Variants in NLRP2 observed in about 807,000 individuals in gnomAD.
NLRP2 encodes the protein NLR family pyrin domain containing 2.
In NLRP2, 107 loss-of-function variants were observed where a neutral mutation model predicts 97.2. The ratio of observed to expected loss-of-function variants is 1.10; its 90% confidence interval spans 0.94 to 1.29. The LOEUF is 1.29. NLRP2 is among the 50% of genes most tolerant of loss of function. NLRP2 has a pLI of 0.00. For synonymous variants in NLRP2, 663 were observed against 551.5 expected, an observed-to-expected ratio of 1.20 and a Z score of -2.83; for missense variants, 1,495 against 1,330.3, an observed-to-expected ratio of 1.12 and a Z score of -1.93.
In NLRP2 at chr19:54,994,456, G is replaced by A. The variant is rs2072692286; in HGVS notation, c.2879+17G>A. Reference sequence around the variant, plus strand: ...ATGTCTGTGGTGAGTTAACTTATAAGTTCAACTTCCTATACTTACACCTTA... The same window carrying A: ...ATGTCTGTGGTGAGTTAACTTATAAATTCAACTTCCTATACTTACACCTTA... On this transcript the variant is annotated intron_variant, in intron 11 of 12. Transcript: ENST00000448584. 1.2e-6 allele frequency: 2 copies of A among 1,611,612 alleles called. No individual in the cohort carries two copies. Among genetic ancestry groups the A allele is most frequent in the Admixed American group, 1.7e-5 (1 of 59,964 alleles).
intron 4 of NLRP2, among the ~76,000 whole-genome samples, chr19:54,978,087 G>T (rs1403333920): frequency 6.6e-6 from 1 of 152,076 alleles, no homozygotes; most frequent in Non-Finnish European, 1.5e-5. Flanking sequence ...TTTTGAGACA[G>T]TTTCTCTGTT....
At chr19:54,980,486 G>T (rs371942977) in intron 4 of NLRP2, among the ~76,000 whole-genome samples, 1 of 152,190 alleles carries the variant, frequency 6.6e-6, no homozygotes, top group Non-Finnish European at 1.5e-5. Context: ...GAGCCACCGC[G>T]CCCAGCCGCG....
In NLRP2 at chr19:54,982,895, G is replaced by A. The variant is rs776885907; in HGVS notation, c.1197G>A (p.Ala399=). 1.5e-5 allele frequency: 25 copies of A among 1,612,978 alleles called. No homozygotes were observed. Among genetic ancestry groups the A allele is most frequent in the East Asian group, 2.2e-5 (1 of 44,884 alleles). ...TGTTCCAGCTGGGCTCGGCCCCCGC[G>A]GTGTGCTGGATCGTGTGCACGACTC... ...AALFQLGSAP[A]VCWIVCTTLK... Residue 399 remains alanine, a synonymous_variant, in exon 6 of 13, where the codon GCG becomes GCA. Coordinates refer to ENST00000448584, the MANE Select transcript of NLRP2 (RefSeq NM_017852.5).
chr19:54,983,905 C>T (rs1244142956), intron 6 of NLRP2, among the ~76,000 whole-genome samples, 177 bp downstream of exon 6: 1 of 152,196 alleles, frequency 6.6e-6, no homozygotes, highest in Non-Finnish European at 1.5e-5. Context: ...GGCTGGAGCG[C>T]AGTGGCGCGA....
rs200366059 is a variant in NLRP2 at position 54,984,329 on chromosome 19, G to GTTTTTTTTTTTTTTTTT, written c.2030+608_2030+624dup. ...AACTTAAGTGGGGGTTTTTTTTTGTGTTTTTTTTTTTTTTTTTTTTTTTGG... is the reference window on the plus strand; with the variant it reads ...AACTTAAGTGGGGGTTTTTTTTTGTGTTTTTTTTTTTTTTTTTTTTTTTTTTTTTTTTTTTTTTTTGG... On this transcript the variant is annotated intron_variant, in intron 6 of 12. Coordinates refer to ENST00000448584, the MANE Select transcript of NLRP2 (RefSeq NM_017852.5). Among the ~76,000 whole-genome samples the GTTTTTTTTTTTTTTTTT allele has an allele frequency of 7.7e-4, 61 of 79,666 alleles. 2 individuals carry two copies. The highest frequency in any genetic ancestry group is 0.018 in the Middle Eastern group (2 of 114). 52.3% of individuals were successfully genotyped at this position (79,666 alleles called of 152,430 possible).
At chr19:54,984,660 T>TTA (rs1164645581) in intron 6 of NLRP2, among the ~76,000 whole-genome samples, 1 of 151,178 alleles carries the variant, frequency 6.6e-6, no homozygotes, top group African/African-American at 2.4e-5. Flanking sequence ...TTTTTGTACT[T>TTA]TTAGTAGAGA....
At position 54,990,671 on chromosome 19, in the gene NLRP2, G is replaced by T; in HGVS notation, c.2707G>T (p.Val903Leu). 6.2e-7 allele frequency: 1 copy of T among 1,614,128 alleles called. No homozygotes were observed. Among genetic ancestry groups the T allele is most frequent in the South Asian group, 1.1e-5 (1 of 91,078 alleles). ...RYPECKLQTL[V>L]LWNCDITSDG... ...CCCCGAGTGTAAACTGCAGACCTTG[G>T]TGTAAGTCCGTGCTGGCTGCCTGTG... Residue 903 changes from valine (V) to leucine (L), a missense_variant and splice_region_variant, in exon 10 of 13, where the codon GTG becomes TTG. Transcript: ENST00000448584.
Position 54,970,256 on chromosome 19 carries a change from C to T in NLRP2, c.241C>T (p.Arg81Ter), listed in dbSNP as rs755054890. The T allele has an allele frequency of 1.5e-5, 24 of 1,613,982 alleles. No individual in the cohort carries two copies. The highest frequency in any genetic ancestry group is 4.0e-5 in the African/African-American group (3 of 74,896). Residue 81 changes from arginine to a stop codon, truncating the protein, a stop_gained, in exon 2 of 13, where the codon CGA (arginine) becomes TGA (stop). Coordinates refer to ENST00000448584, the MANE Select transcript of NLRP2 (RefSeq NM_017852.5). LOFTEE classifies it high-confidence loss of function. ...ASLQVFEKMH[R>*]MDLSERAKDE... ...CCTCCAGGTCTTTGAAAAGATGCAC[C>T]GAATGGATCTGTCTGAGAGAGCAAA...
At chr19:54,976,829 T>TTTTTTTG in intron 3 of NLRP2, 1 of 420,338 alleles carries the variant, frequency 2.4e-6, no homozygotes, top group Admixed American at 2.8e-5. Flanking sequence ...TTTTTTTTTT[T>TTTTTTTG]GATACGGAGT....
At chr19:54,973,700 C>T (rs904250966) in intron 2 of NLRP2, 11 of 398,750 alleles carry the variant, frequency 2.8e-5, no homozygotes, top group Admixed American at 9.3e-5. Context: ...AGCTGACCTC[C>T]GGAGGTTACA....
At chr19:54,974,461 T>C (rs775819520) in intron 2 of NLRP2, 39 bp from the exon 3 acceptor site, 10 of 1,537,172 alleles carry the variant, frequency 6.5e-6, no homozygotes, top group African/African-American at 4.1e-5. Flanking sequence ...CTTGAGCTTA[T>C]GGTAAAATGC....
intron 3 of NLRP2, 131 bp downstream of exon 3, chr19:54,974,675 G>T: frequency 1.4e-6 from 1 of 738,732 alleles, no homozygotes; most frequent in Non-Finnish European, 2.4e-6. Context: ...CTCCCAGGGC[G>T]GAGCTGGTCT....
rs558724913 is a variant in NLRP2, at chr19:54,968,861, C to T, written c.-17-1138C>T. ...GAACTACAGGCACCTGCCACCACGC[C>T]CGGCTAATTTTTTGTATTTTTAGTA... On this transcript the variant is annotated intron_variant, in intron 1 of 12. Coordinates refer to ENST00000448584, the MANE Select transcript of NLRP2 (RefSeq NM_017852.5). Among the ~76,000 whole-genome samples, 15 of 152,078 alleles carry T rather than the reference C, an allele frequency of 9.9e-5. No individual in the cohort carries two copies. The South Asian group carries it at 3.1e-3, about 32-fold the overall frequency.
rs375621121 is a variant in NLRP2 at position 54,982,688 on chromosome 19, C to A, written c.990C>A (p.Ala330=). ...SLLNRVMLPK[A]ALLVTTRPRA... ...TGAACAGGGTGATGTTACCCAAGGCCGCCCTGCTGGTCACCACGCGGCCCA... is the reference window on the plus strand; with the variant it reads ...TGAACAGGGTGATGTTACCCAAGGCAGCCCTGCTGGTCACCACGCGGCCCA... Residue 330 remains alanine, a synonymous_variant, in exon 6 of 13, where the codon GCC becomes GCA. Transcript: ENST00000448584. 43 of 1,613,972 alleles carry A rather than the reference C, an allele frequency of 2.7e-5. No individual in the cohort carries two copies. Among genetic ancestry groups the A allele is most frequent in the Non-Finnish European group, 3.1e-5 (37 of 1,179,986 alleles).
chr19:54,974,799 G>A (rs775893), intron 3 of NLRP2, among the ~76,000 whole-genome samples: 1 of 152,046 alleles, frequency 6.6e-6, no homozygotes, highest in African/African-American at 2.4e-5. Flanking sequence ...TCTGGATAAG[G>A]TAGAGACTTT....
intron 5 of NLRP2, 118 bp from the exon 6 acceptor site, chr19:54,982,044 C>A: frequency 7.7e-7 from 1 of 1,299,710 alleles, no homozygotes; most frequent in Non-Finnish European, 1.1e-6. Flanking sequence ...TCCCAAAGGG[C>A]TGGGATTACA....
chr19:54,997,357 C>A lies in NLRP2; in HGVS notation c.2920C>A (p.Leu974Ile). 1 of 1,614,094 alleles carries A rather than the reference C, an allele frequency of 6.2e-7. No homozygotes were observed. The highest frequency in any genetic ancestry group is 1.1e-5 in the South Asian group (1 of 91,076). Residue 974 changes from leucine to isoleucine, a missense_variant, in exon 12 of 13, where the codon CTC (leucine) becomes ATC (isoleucine). Coordinates refer to ENST00000448584, the MANE Select transcript of NLRP2 (RefSeq NM_017852.5). ...CSIPPFSCED[L>I]CSALSCNQSL... Reference sequence around the variant, plus strand: ...CATCCCTCCGTTCAGTTGTGAAGACCTCTGCTCTGCCCTCAGCTGCAACCA... The same window carrying A: ...CATCCCTCCGTTCAGTTGTGAAGACATCTGCTCTGCCCTCAGCTGCAACCA...
chr19:54,975,106 G>GTTTTTTTGTTTTTTTTTTTTTTT (rs2071121525), intron 3 of NLRP2, among the ~76,000 whole-genome samples: 1 of 58,674 alleles, frequency 1.7e-5, no homozygotes, highest in African/African-American at 5.6e-5. Context: ...ACCCGGTTTT[G>GTTTTTTTGTTTTTTTTTTTTTTT]TTTTTTTTTT....
intron 2 of NLRP2, among the ~76,000 whole-genome samples, chr19:54,971,068 G>A (rs1178575121): frequency 7.8e-5 from 11 of 141,844 alleles, no homozygotes; most frequent in East Asian, 4.2e-4. Flanking sequence ...GAGAATATGC[G>A]GTGTTTGGTT....
Sources: gnomAD v4.1 joint callset for allele counts (sites outside exome capture counted in the v4.1 genomes callset) on GRCh38, gnomAD v4.1.1 for gene constraint, MANE v1.5 for transcripts, NCBI Gene and HGNC (gene_info 2026-07-23, HGNC 2026-07-21) for gene names.